BANK1: variants seen among roughly 807,000 people sequenced by gnomAD.
The protein encoded by BANK1 is B-cell scaffold protein with ankyrin repeats.
In BANK1, 95 loss-of-function variants were observed where a neutral mutation model predicts 94.5. The ratio of observed to expected loss-of-function variants is 1.00; its 90% confidence interval spans 0.85 to 1.19. The LOEUF is 1.19. BANK1 is among the 50% of genes most tolerant of loss of function. The pLI is 0.00. For synonymous variants in BANK1, 334 were observed against 308.4 expected (o/e 1.08, Z -0.87); for missense variants, 987 against 932.2 (o/e 1.06, Z -0.77).
At chr4:102,004,456 T>C (rs1263621519) in intron 7 of BANK1, among the ~76,000 whole-genome samples, 1 of 152,214 alleles carries the variant, frequency 6.6e-6, no homozygotes, top group Non-Finnish European at 1.5e-5. Flanking sequence ...ATATAACTTC[T>C]ATAACCACTT....
chr4:101,925,153 A>C (rs1723113465), intron 7 of BANK1, among the ~76,000 whole-genome samples: 1 of 151,662 alleles, frequency 6.6e-6, no homozygotes, highest in Non-Finnish European at 1.5e-5. Flanking sequence ...TTTACCTTGT[A>C]GTATTTATTT....
chr4:102,007,318 T>C (rs1388999279), intron 7 of BANK1, among the ~76,000 whole-genome samples: 5 of 150,420 alleles, frequency 3.3e-5, no homozygotes, highest in Non-Finnish European at 7.4e-5. Flanking sequence ...TTTTAGCAAA[T>C]GAGCATCAGT....
chr4:101,831,584 C>T (rs1726622826), intron 2 of BANK1, among the ~76,000 whole-genome samples: 2 of 152,108 alleles, frequency 1.3e-5, no homozygotes, highest in South Asian at 2.1e-4. Flanking sequence ...AAGCAATTCT[C>T]GTGCCTCAGC....
intron 6 of BANK1, among the ~76,000 whole-genome samples, chr4:101,907,134 G>A (rs1722482610): frequency 6.6e-6 from 1 of 152,198 alleles, no homozygotes; most frequent in Non-Finnish European, 1.5e-5. Flanking sequence ...GCAGGAACAT[G>A]TCCTTAAGGC....
chr4:101,837,880 TCCTCTCCCTCTC>T (rs760201034), intron 2 of BANK1, among the ~76,000 whole-genome samples: 1 of 151,714 alleles, frequency 6.6e-6, no homozygotes, highest in Non-Finnish European at 1.5e-5. Flanking sequence ...ATAGCTTTTC[TCCTCTCCCTCTC>T]CCTCTCCCTC....
chr4:101,829,816 A>G lies in BANK1; in HGVS notation c.79A>G (p.Lys27Glu), dbSNP rs753300629. The change falls in exon 2 of 17, where the codon AAA (lysine) becomes GAA (glutamate). Residue 27 changes from lysine (K) to glutamate (E), a missense_variant. Transcript: ENST00000322953. ...PCGPAPPGNT[K>E]DIIMIYEEDA... is the part of the protein sequence containing the mutation. ...ATTTTTTCTTTTTCCAGGAAATACA[A>G]AAGATATAATAATGATATATGAAGA... is the stretch of plus-strand genomic sequence containing the variant. The G allele has an allele frequency of 6.6e-7, 1 of 1,524,952 alleles. No individual in the cohort carries two copies. The highest frequency in any genetic ancestry group is 8.8e-7 in the Non-Finnish European group (1 of 1,133,778). The allele number at this position is 1,524,952 out of a possible 1,614,324, so 94.5% of individuals were successfully genotyped here.
intron 10 of BANK1, among the ~76,000 whole-genome samples, chr4:102,037,618 G>T (rs543085505): frequency 2.0e-5 from 3 of 152,330 alleles, no homozygotes; most frequent in South Asian, 4.1e-4. Context: ...TGAAATTCAT[G>T]AGGATTATGA....
At chr4:101,929,171 C>T (rs73836661) in intron 7 of BANK1, among the ~76,000 whole-genome samples, 124 of 110,578 alleles carry the variant, frequency 1.1e-3, no homozygotes, top group African/African-American at 3.5e-3. Flanking sequence ...CATCACTATA[C>T]TATTATCATA....
intron 7 of BANK1, among the ~76,000 whole-genome samples, chr4:102,004,484 T>TA (rs1212283158): frequency 2.6e-5 from 4 of 152,236 alleles, no homozygotes; most frequent in African/African-American, 4.8e-5. Context: ...GCATTTTATT[T>TA]ATTTTTTCAT....
chr4:101,959,040 A>T (rs1167078842), intron 7 of BANK1, among the ~76,000 whole-genome samples: 1 of 152,200 alleles, frequency 6.6e-6, no homozygotes, highest in African/African-American at 2.4e-5. Context: ...AGTTGAAGGC[A>T]GACACTATGC....
At chr4:101,828,297 T>C (rs1726442899) in intron 1 of BANK1, among the ~76,000 whole-genome samples, 1 of 151,428 alleles carries the variant, frequency 6.6e-6, no homozygotes, top group Non-Finnish European at 1.5e-5. Context: ...ATTTCCTATG[T>C]CTTTCCCTCC....
chr4:101,814,971 G>C (rs1190882571), intron 1 of BANK1, among the ~76,000 whole-genome samples: 1 of 152,122 alleles, frequency 6.6e-6, no homozygotes, highest in Non-Finnish European at 1.5e-5. Flanking sequence ...TGGGTATAGG[G>C]GTGAGGATTG....
In BANK1 at chr4:101,916,761, AAC is replaced by A. The variant is rs1354680880; in HGVS notation, c.1010-1230_1010-1229del. ...TTACTGTTTGAAAGACATTGGCTGA[AAC>A]AACTGAAAACTAAAAATGTATCTGG... On this transcript the variant is annotated intron_variant, in intron 6 of 16. Coordinates refer to ENST00000322953, the MANE Select transcript of BANK1 (RefSeq NM_017935.5). Among the ~76,000 whole-genome samples the A allele has an allele frequency of 2.6e-5, 4 of 152,026 alleles. No individual in the cohort carries two copies. The East Asian group carries it at 7.7e-4, about 29-fold the overall frequency.
chr4:102,045,128 A>T lies in BANK1; in HGVS notation c.1969+1221A>T, dbSNP rs1200685101. On this transcript the variant is annotated intron_variant, in intron 11 of 16. Coordinates refer to ENST00000322953, the MANE Select transcript of BANK1 (RefSeq NM_017935.5). ...GCCCATGCCTATGTCCTGAATGGTAATGCCTAGGTTTTCTTCTAGGGTTTT... is the reference window on the plus strand; with the variant it reads ...GCCCATGCCTATGTCCTGAATGGTATTGCCTAGGTTTTCTTCTAGGGTTTT... 1.3e-5 allele frequency among the ~76,000 whole-genome samples: 2 copies of T among 152,172 alleles called. 1 individual carries two copies. The highest frequency in any genetic ancestry group is 2.9e-5 in the Non-Finnish European group (2 of 67,954).
At chr4:102,015,077 A>G (rs1176230708) in intron 7 of BANK1, among the ~76,000 whole-genome samples, 1 of 152,104 alleles carries the variant, frequency 6.6e-6, no homozygotes, top group Non-Finnish European at 1.5e-5. Context: ...CTTCATTTAT[A>G]AATGGTAGAC....
chr4:101,810,696 T>C (rs538312647), intron 1 of BANK1, among the ~76,000 whole-genome samples: 16 of 152,344 alleles, frequency 1.1e-4, no homozygotes, highest in African/African-American at 3.4e-4. Flanking sequence ...ATAATACTGT[T>C]GGCTACTGCT....
At position 101,826,556 on chromosome 4, in the gene BANK1, G is replaced by A. The variant is rs973668412; in HGVS notation, c.71-3252G>A. Among the ~76,000 whole-genome samples, 103 of 151,744 alleles carry A rather than the reference G, an allele frequency of 6.8e-4. 1 individual carries two copies. Among genetic ancestry groups the A allele is most frequent in the African/African-American group, 2.2e-3 (90 of 41,338 alleles). Reference sequence around the variant, plus strand: ...GTAGACCAGCTTATTCTGGCTATATGCAATATGAAGAAAACCCTCCTCCTA... The same window carrying A: ...GTAGACCAGCTTATTCTGGCTATATACAATATGAAGAAAACCCTCCTCCTA... On this transcript the variant is annotated intron_variant, in intron 1 of 16. Coordinates refer to ENST00000322953, the MANE Select transcript of BANK1 (RefSeq NM_017935.5).
chr4:101,805,418 A>G (rs1252794225), intron 1 of BANK1, among the ~76,000 whole-genome samples: 1 of 152,094 alleles, frequency 6.6e-6, no homozygotes, highest in African/African-American at 2.4e-5. Flanking sequence ...CTCTGGCATC[A>G]GTTCAGTAGA....
rs752385074 is a variant in BANK1 at position 102,073,681 on chromosome 4, C to T, written c.2299-3C>T. The T allele has an allele frequency of 6.2e-7, 1 of 1,607,432 alleles. No homozygotes were observed. The highest frequency in any genetic ancestry group is 1.1e-5 in the South Asian group (1 of 89,856). ...CTAGCTCTATATCTTTATTTTTTTTCAGCTTCCTGCTCGACCCCAAGTTGA... is the reference window on the plus strand; with the variant it reads ...CTAGCTCTATATCTTTATTTTTTTTTAGCTTCCTGCTCGACCCCAAGTTGA... On this transcript the variant is annotated splice_region_variant and splice_polypyrimidine_tract_variant and intron_variant, in intron 15 of 16. Transcript: ENST00000322953.
Sources: allele counts gnomAD v4.1 joint callset (sites outside exome capture counted in the v4.1 genomes callset), GRCh38; gene constraint gnomAD v4.1.1; transcripts MANE v1.5; gene names NCBI Gene and HGNC (gene_info 2026-07-23, HGNC 2026-07-21).